The following SLC5A4 variants were observed in gnomAD, a reference collection of about 807,000 sequenced individuals.
The protein encoded by SLC5A4 is solute carrier family 5 member 4.
SLC5A4 carries 55 observed loss-of-function variants against 70.3 expected under a neutral mutation model. That is an observed-to-expected ratio of 0.78 (90% confidence interval 0.63 to 0.98). The LOEUF is 0.98. SLC5A4 is among the 50% of genes least tolerant of loss of function. The pLI is 0.00. For synonymous variants in SLC5A4, 268 were observed against 305.7 expected (o/e 0.88, Z 1.29); for missense variants, 735 against 839.2 (o/e 0.88, Z 1.53).
At chr22:32,308,960 A>G in the SLC5A4 span, among the ~76,000 whole-genome samples, 41 of 152,220 alleles carry the variant, frequency 2.7e-4, no homozygotes, top group Non-Finnish European at 4.4e-4. Flanking sequence ...CTACCTACCT[A>G]GACAGTCTCA....
intron 5 of SLC5A4, among the ~76,000 whole-genome samples, chr22:32,239,558 A>ATATATATATATTTATATATATATATATT (rs1926334316): frequency 1.6e-4 from 4 of 24,980 alleles, no homozygotes; most frequent in Non-Finnish European, 1.5e-4. Context: ...ATATATATAT[A>ATATATATATATTTATATATATATATATT]TATATATATA....
chr22:32,251,862 G>C lies in SLC5A4; in HGVS notation c.220C>G (p.Leu74Val), dbSNP rs1046738586. ...DMAWWPMGAS[L>V]FASNIGSNHY... ...TTGCTGCCGATGTTACTGGCAAAGA[G>C]AGAGGCGCCCATCTGGAATGCAAGA... is the stretch of plus-strand genomic sequence containing the variant. The change falls in exon 3 of 15, where the codon CTC (leucine) becomes GTC (valine). Residue 74 changes from leucine (L) to valine (V), a missense_variant. Leu to Val is a conservative substitution (Grantham distance 32, BLOSUM62 1). Coordinates refer to ENST00000266086, the MANE Select transcript of SLC5A4 (RefSeq NM_014227.3). 1.2e-6 allele frequency: 2 copies of C among 1,613,474 alleles called. No individual in the cohort carries two copies. The highest frequency in any genetic ancestry group is 2.2e-5 in the East Asian group (1 of 44,878).
the SLC5A4 span, chr22:32,271,341 A>G: frequency 1.4e-6 from 1 of 738,724 alleles, no homozygotes; most frequent in South Asian, 1.5e-5. Context: ...CTCTCTCGTC[A>G]AGGAGGTGCT....
the SLC5A4 span, chr22:32,271,367 C>T: frequency 1.4e-6 from 1 of 740,482 alleles, no homozygotes; most frequent in Non-Finnish European, 2.4e-6. Context: ...TTGTGCTGGG[C>T]AGCCGCCAGA....
chr22:32,234,141 GA>G (rs1267398264), intron 8 of SLC5A4, among the ~76,000 whole-genome samples: 1 of 152,188 alleles, frequency 6.6e-6, no homozygotes, highest in African/African-American at 2.4e-5. Flanking sequence ...ATCACTTGGG[GA>G]TCAAGTTAAT....
At chr22:32,300,544 C>T in the SLC5A4 span, among the ~76,000 whole-genome samples, 1 of 151,036 alleles carries the variant, frequency 6.6e-6, no homozygotes, top group South Asian at 2.1e-4. Context: ...CACCCACTGA[C>T]CTGCGCCCAC....
rs1040876216 is a variant in SLC5A4 at position 32,229,096 on chromosome 22, T to A, written c.1280+98A>T. 5 of 1,137,568 alleles carry A rather than the reference T, an allele frequency of 4.4e-6. No individual in the cohort carries two copies. The African/African-American group carries it at 6.2e-5, about 14-fold the overall frequency. 70.5% of individuals were successfully genotyped at this position (1,137,568 alleles called of 1,614,324 possible). A position where few individuals can be genotyped will look rare whatever the true frequency, so the allele number is the denominator to read the frequency against. On this transcript the variant is annotated intron_variant, in intron 11 of 14. Coordinates refer to ENST00000266086, the MANE Select transcript of SLC5A4 (RefSeq NM_014227.3). ...GTCTCTTCCCTCTACCCAGATGCTA[T>A]GATTACTTTCACCAAAGCCAAAGAC...
At chr22:32,326,569 T>G in the SLC5A4 span, among the ~76,000 whole-genome samples, 6 of 152,264 alleles carry the variant, frequency 3.9e-5, no homozygotes, top group East Asian at 1.2e-3. Flanking sequence ...TCATAAATTT[T>G]TCTAAGGGAT....
the SLC5A4 span, among the ~76,000 whole-genome samples, chr22:32,292,618 T>A: frequency 2.0e-5 from 3 of 151,760 alleles, no homozygotes; most frequent in Non-Finnish European, 4.4e-5. Flanking sequence ...ATATATATAT[T>A]TTATAGAATT....
At chr22:32,232,412 T>TA (rs1212212953) in intron 9 of SLC5A4, among the ~76,000 whole-genome samples, 2 of 152,222 alleles carry the variant, frequency 1.3e-5, no homozygotes, top group Non-Finnish European at 2.9e-5. Context: ...GGAAGATTTT[T>TA]AACACTAGCA....
At chr22:32,301,677 T>C in the SLC5A4 span, among the ~76,000 whole-genome samples, 30 of 152,282 alleles carry the variant, frequency 2.0e-4, no homozygotes, top group South Asian at 6.2e-3. Context: ...TCCTGACATT[T>C]ATATGGAAAT....
chr22:32,246,946 G>A (rs2145693176), intron 5 of SLC5A4, among the ~76,000 whole-genome samples: 1 of 152,284 alleles, frequency 6.6e-6, no homozygotes, highest in Non-Finnish European at 1.5e-5. Flanking sequence ...AGAAAAATCA[G>A]TATAATAATA....
intron 13 of SLC5A4, among the ~76,000 whole-genome samples, chr22:32,224,058 T>C (rs897104289): frequency 2.0e-5 from 3 of 152,052 alleles, no homozygotes; most frequent in Non-Finnish European, 4.4e-5. Flanking sequence ...GCAGCTGGGA[T>C]TACAGGTGCC....
chr22:32,222,790 G>T (rs980338478), intron 13 of SLC5A4, among the ~76,000 whole-genome samples: 1 of 152,140 alleles, frequency 6.6e-6, no homozygotes, highest in Non-Finnish European at 1.5e-5. Context: ...TTCAAAAATT[G>T]TGAGTGATAA....
At chr22:32,257,831 A>AT (rs551192917), upstream of SLC5A4, among the ~76,000 whole-genome samples, 81 of 150,666 alleles carry the variant, frequency 5.4e-4, no homozygotes, top group African/African-American at 1.9e-3. Flanking sequence ...ATGCCCGGCT[A>AT]TTTTTTGTAT....
chr22:32,320,548 A>C, the SLC5A4 span, among the ~76,000 whole-genome samples: 18 of 152,324 alleles, frequency 1.2e-4, no homozygotes, highest in African/African-American at 4.1e-4. Flanking sequence ...AGCTGTCCTC[A>C]GCCACCTCCC....
At chr22:32,222,055 C>G (rs1189999053) in intron 13 of SLC5A4, among the ~76,000 whole-genome samples, 1 of 152,204 alleles carries the variant, frequency 6.6e-6, no homozygotes, top group Non-Finnish European at 1.5e-5. Flanking sequence ...CTGCGCCCAG[C>G]CTATCAATGG....
At chr22:32,351,197 A>G in the SLC5A4 span, among the ~76,000 whole-genome samples, 1 of 152,320 alleles carries the variant, frequency 6.6e-6, no homozygotes, top group East Asian at 1.9e-4. Context: ...TATTACCTCC[A>G]TGCCTCTTGC....
the SLC5A4 span, among the ~76,000 whole-genome samples, chr22:32,352,707 G>A: frequency 1.3e-5 from 2 of 152,166 alleles, no homozygotes; most frequent in Middle Eastern, 3.2e-3. Context: ...TGCTGCTGCT[G>A]CCACAACTAG....
Sources: allele counts gnomAD v4.1 joint callset (sites outside exome capture counted in the v4.1 genomes callset), GRCh38; gene constraint gnomAD v4.1.1; transcripts MANE v1.5; gene names NCBI Gene and HGNC (gene_info 2026-07-23, HGNC 2026-07-21).